Variants in GABRQ observed in about 807,000 individuals in gnomAD.
The protein encoded by GABRQ is gamma-aminobutyric acid receptor subunit theta.
Under a neutral mutation model 30.5 loss-of-function variants are expected in GABRQ, and 19 were observed. The ratio of observed to expected loss-of-function variants is 0.62; its 90% CI spans 0.43 to 0.91. The LOEUF (loss-of-function observed/expected upper bound fraction) is 0.91, where lower values mean the gene tolerates loss of function less well. Among genes scored for constraint, GABRQ ranks in the 40% least tolerant of loss-of-function variants. The pLI is 0.00. For synonymous variants in GABRQ, 187 were observed against 210.2 expected (o/e 0.89, Z 0.95); for missense variants, 520 against 521.4 (o/e 1.00, Z 0.03).
intron 2 of GABRQ, among the ~76,000 whole-genome samples, chrX:152,643,448 G>T (rs1009781423): frequency 8.9e-6 from 1 of 112,460 alleles, no homozygotes; most frequent in Admixed American, 9.4e-5. Flanking sequence ...TGAATTGCAG[G>T]CGTCATGCAT....
chrX:152,645,456 G>T, intron 2 of GABRQ, 71 bp from the exon 3 acceptor site: 1 of 680,534 alleles, frequency 1.5e-6, no homozygotes, highest in Non-Finnish European at 2.4e-6. Flanking sequence ...AACCCAGGCA[G>T]CCTGGCTCCC....
intron 4 of GABRQ, among the ~76,000 whole-genome samples, chrX:152,648,295 C>G (rs781794940): frequency 9.0e-6 from 1 of 110,925 alleles, no homozygotes; most frequent in Non-Finnish European, 1.9e-5. Flanking sequence ...TCTTCTCTCC[C>G]ACTGGACACT....
intron 2 of GABRQ, among the ~76,000 whole-genome samples, chrX:152,644,270 A>G (rs2124909736): frequency 8.9e-6 from 1 of 112,431 alleles, no homozygotes; most frequent in African/African-American, 3.2e-5. Context: ...ATGCTCACAC[A>G]TACACACATA....
Position 152,638,457 on chromosome X carries a change from G to A in GABRQ, c.149+106G>A, listed in dbSNP as rs912695769. The A allele has an allele frequency of 1.1e-4, 94 of 821,899 alleles. No individual in the cohort carries two copies. The African/African-American group carries it at 1.6e-3, about 14-fold the overall frequency. The allele number at this position is 821,899 out of a possible 1,213,427, so 67.7% of individuals were successfully genotyped here. ...GGGCTGGGGGCGACTCGGGCTGGGGGGTACTCGGACCCGGGCTCGCTGAGC... is the reference window on the plus strand; with the variant it reads ...GGGCTGGGGGCGACTCGGGCTGGGGAGTACTCGGACCCGGGCTCGCTGAGC... On this transcript the variant is annotated intron_variant, in intron 1 of 8. Coordinates refer to ENST00000598523, the MANE Select transcript of GABRQ (RefSeq NM_018558.4).
At chrX:152,640,677 C>G (rs1930736611) in intron 2 of GABRQ, among the ~76,000 whole-genome samples, 1 of 111,606 alleles carries the variant, frequency 9.0e-6, no homozygotes, top group African/African-American at 3.3e-5. Flanking sequence ...TCTCTGCCTT[C>G]AGATGCACGA....
Position 152,653,928 on chromosome X carries a change from C to T in GABRQ, c.*647C>T, listed in dbSNP as rs1373093197. 1 of 111,213 alleles carries T rather than the reference C, an allele frequency of 9.0e-6. No individual in the cohort carries two copies. Among genetic ancestry groups the T allele is most frequent in the Non-Finnish European group, 1.9e-5 (1 of 53,024 alleles). 9.2% of individuals were successfully genotyped at this position (111,213 alleles called of 1,213,427 possible). A position where few individuals can be genotyped will look rare whatever the true frequency, so the allele number is the denominator to read the frequency against. ...TTTGACTGTGGTGTTTTGATGCAAG[C>T]GTGGAAGGGGAATGTGGGTGGATGG... On this transcript the variant is annotated 3_prime_UTR_variant, in exon 9 of 9. Transcript: ENST00000598523.
intron 4 of GABRQ, among the ~76,000 whole-genome samples, chrX:152,647,667 C>A (rs6653480): frequency 5.4e-5 from 6 of 111,750 alleles, no homozygotes; most frequent in African/African-American, 2.0e-4. Flanking sequence ...TCATGCAGGG[C>A]CTCCAGGAGT....
Position 152,653,079 on chromosome X carries a change from T to C in GABRQ, c.1697T>C (p.Met566Thr). The change falls in exon 9 of 9, where the codon ATG becomes ACG. Residue 566 changes from methionine to threonine, a missense_variant. Physicochemically the swap from Met to Thr is moderately conservative, Grantham distance 81. Transcript: ENST00000598523. Reference sequence around the variant, plus strand: ...TGGGGCCTTAATGATGATGAGCTCATGGCCCATGGCCAAGAGAAGGACAGT... The same window carrying C: ...TGGGGCCTTAATGATGATGAGCTCACGGCCCATGGCCAAGAGAAGGACAGT... ...STWGLNDDELMAHGQEKDSSS... is the reference protein window; with the variant it reads ...STWGLNDDELTAHGQEKDSSS... 1 of 1,207,730 alleles carries C rather than the reference T, an allele frequency of 8.3e-7. No homozygotes were observed. Among genetic ancestry groups the C allele is most frequent in the African/African-American group, 1.7e-5 (1 of 57,738 alleles).
chrX:152,648,717 G>A lies in GABRQ; in HGVS notation c.528-534G>A, dbSNP rs184652701. ...GCAACTTAAAGCTCCTGCCCACTTC[G>A]TGTACTGTCAACAGTGCCATGGCTC... On this transcript the variant is annotated intron_variant, in intron 4 of 8. Transcript: ENST00000598523. Among the ~76,000 whole-genome samples, 11 of 112,125 alleles carry A rather than the reference G, an allele frequency of 9.8e-5. No homozygotes were observed. The South Asian group carries it at 3.3e-3, about 34-fold the overall frequency.
chrX:152,640,147 C>CGAGA (rs2124905889), intron 1 of GABRQ, among the ~76,000 whole-genome samples: 1 of 105,386 alleles, frequency 9.5e-6, no homozygotes, highest in South Asian at 4.1e-4. Context: ...TGAGCCCCAC[C>CGAGA]CTCTGGATTA....
Position 152,654,412 on chromosome X carries a change from C to T in GABRQ, c.*1131C>T, listed in dbSNP as rs1931106834. The T allele has an allele frequency of 8.9e-6, 1 of 112,028 alleles. No individual in the cohort carries two copies. 9.2% of individuals were successfully genotyped at this position (112,028 alleles called of 1,213,427 possible). A position where few individuals can be genotyped will look rare whatever the true frequency, so the allele number is the denominator to read the frequency against. The stretch of plus-strand genomic sequence containing the variant: ...ATTGTCCCCAGTGTTCCAAGGAAAA[C>T]GAATGGAGCTTATGCCGCATGCTTG... On this transcript the variant is annotated 3_prime_UTR_variant, in exon 9 of 9. Transcript: ENST00000598523.
chrX:152,642,462 G>A, intron 2 of GABRQ, among the ~76,000 whole-genome samples: 1 of 112,578 alleles, frequency 8.9e-6, no homozygotes, highest in South Asian at 3.7e-4. Context: ...ATGAAAAGGA[G>A]GAGGAGGATC....
intron 1 of GABRQ, among the ~76,000 whole-genome samples, chrX:152,639,822 G>C (rs1014436369): frequency 1.8e-5 from 2 of 111,787 alleles, no homozygotes; most frequent in African/African-American, 6.5e-5. Flanking sequence ...GCAGAAACAA[G>C]GTTGACATAA....
intron 2 of GABRQ, among the ~76,000 whole-genome samples, chrX:152,640,682 G>A (rs1930736706): frequency 9.0e-6 from 1 of 111,519 alleles, no homozygotes; most frequent in Non-Finnish European, 1.9e-5. Flanking sequence ...GCCTTCAGAT[G>A]CACGAGAGCC....
Position 152,638,209 on chromosome X carries a change from A to T in GABRQ, c.7A>T (p.Ile3Phe). 8.3e-7 allele frequency: 1 copy of T among 1,210,189 alleles called. No homozygotes were observed. Among genetic ancestry groups the T allele is most frequent in the Non-Finnish European group, 1.1e-6 (1 of 894,472 alleles). The change falls in exon 1 of 9, where the codon ATC (isoleucine) becomes TTC (phenylalanine). Residue 3 changes from isoleucine to phenylalanine, a missense_variant. Transcript: ENST00000598523. MGIRGMLRAAVIL... is the reference protein window; with the variant it reads MGFRGMLRAAVIL... Reference sequence around the variant, plus strand: ...CGCCCAGAACGCCCCGGCCATGGGCATCCGAGGCATGCTGCGAGCCGCAGT... The same window carrying T: ...CGCCCAGAACGCCCCGGCCATGGGCTTCCGAGGCATGCTGCGAGCCGCAGT...
intron 8 of GABRQ, 24 bp downstream of exon 8, chrX:152,651,806 A>G (rs782349381): frequency 8.3e-7 from 1 of 1,201,475 alleles, no homozygotes. Context: ...ACTGACAATC[A>G]GCTTTCCCTG....
intron 8 of GABRQ, 146 bp downstream of exon 8, chrX:152,651,928 A>G (rs782023586): frequency 9.8e-6 from 5 of 507,702 alleles, no homozygotes; most frequent in African/African-American, 7.0e-5. Context: ...CACAACATAT[A>G]ACAAAGAAGT....
At chrX:152,645,652 G>A in intron 3 of GABRQ, 58 bp downstream of exon 3, 2 of 699,788 alleles carry the variant, frequency 2.9e-6, no homozygotes, top group Admixed American at 4.5e-5. Flanking sequence ...ACAAGCAGCA[G>A]GCTTATAATC....
chrX:152,642,843 C>T (rs1556818592), intron 2 of GABRQ, among the ~76,000 whole-genome samples: 1 of 111,852 alleles, frequency 8.9e-6, no homozygotes, highest in Non-Finnish European at 1.9e-5. Flanking sequence ...TATGGGATTC[C>T]TCATCTAAAT....
Sources: gnomAD v4.1 joint callset for allele counts (sites outside exome capture counted in the v4.1 genomes callset) on GRCh38, gnomAD v4.1.1 for gene constraint, MANE v1.5 for transcripts, NCBI Gene and HGNC (gene_info 2026-07-23, HGNC 2026-07-21) for gene names.